The following PDGFRA variants were observed in gnomAD, a reference collection of about 807,000 sequenced individuals.
The protein encoded by PDGFRA is platelet-derived growth factor receptor alpha.
PDGFRA carries 25 observed loss-of-function variants against 121.5 expected under a neutral mutation model. That is an observed-to-expected ratio of 0.21 (90% confidence interval 0.15 to 0.29). The LOEUF is 0.29. PDGFRA is among the 10% of genes least tolerant of loss of function. The pLI, the probability that PDGFRA is intolerant of heterozygous loss-of-function variation, is 1.00. For missense variants in PDGFRA, 1,008 were observed against 1,345.1 expected (o/e 0.75, Z 3.92); for synonymous variants, 463 against 494.8 (o/e 0.94, Z 0.85).
At chr4:54,272,619 G>T in intron 9 of PDGFRA, 99 bp downstream of exon 9, 1 of 1,372,406 alleles carries the variant, frequency 7.3e-7, no homozygotes, top group South Asian at 1.2e-5. Context: ...TATAAGATAG[G>T]GTTTTGGGTG....
intron 1 of PDGFRA, chr4:54,239,891 C>T (rs981595958): frequency 5.2e-5 from 8 of 152,646 alleles, no homozygotes; most frequent in African/African-American, 1.9e-4. Flanking sequence ...CGCTGTGTTG[C>T]CCAGGCTGGA....
intron 1 of PDGFRA, among the ~76,000 whole-genome samples, chr4:54,249,569 G>T (rs1051501774): frequency 6.6e-6 from 1 of 151,430 alleles, no homozygotes; most frequent in Non-Finnish European, 1.5e-5. Flanking sequence ...TCACTCATAG[G>T]TGGGAATTGA....
chr4:54,295,322 C>T lies in PDGFRA; in HGVS notation c.*50C>T, dbSNP rs545687683. Reference sequence around the variant, plus strand: ...CACTTCTGGGGCCACCTCTGGATCCCGTTCAGAAAACCACTTTATTGCAAT... The same window carrying T: ...CACTTCTGGGGCCACCTCTGGATCCTGTTCAGAAAACCACTTTATTGCAAT... On this transcript the variant is annotated 3_prime_UTR_variant, in exon 23 of 23. Transcript: ENST00000257290. 145 of 1,597,994 alleles carry T rather than the reference C, an allele frequency of 9.1e-5. No homozygotes were observed. The highest frequency in any genetic ancestry group is 2.7e-4 in the Admixed American group (16 of 59,944).
At chr4:54,260,298 C>T (rs1393710960) in intron 2 of PDGFRA, among the ~76,000 whole-genome samples, 4 of 151,918 alleles carry the variant, frequency 2.6e-5, no homozygotes, top group South Asian at 2.1e-4. Flanking sequence ...ACGGCATGCC[C>T]GAGGGCTATA....
intron 18 of PDGFRA, among the ~76,000 whole-genome samples, 167 bp downstream of exon 18, chr4:54,286,130 C>A (rs1293260933): frequency 6.6e-6 from 1 of 152,098 alleles, no homozygotes; most frequent in Non-Finnish European, 1.5e-5. Context: ...AGTGCCAGCT[C>A]CACCACTTAC....
chr4:54,229,914 G>T (rs577764000), intron 1 of PDGFRA: 2 of 150,994 alleles, frequency 1.3e-5, no homozygotes, highest in Non-Finnish European at 2.9e-5. Flanking sequence ...CCATGGTGTG[G>T]AGCGCGGCTG....
chr4:54,296,401 G>A lies in PDGFRA; in HGVS notation c.*1129G>A, dbSNP rs1553907322. 4.1e-5 allele frequency: 8 copies of A among 194,442 alleles called. No homozygotes were observed. The South Asian group carries it at 1.7e-3, about 41-fold the overall frequency. The allele number at this position is 194,442 out of a possible 1,614,324, so 12.0% of individuals were successfully genotyped here. ...TTTTTTTTCTTCATGCCTGATGAAA[G>A]CTTTGGCGACCCCAATATATGTATT... On this transcript the variant is annotated 3_prime_UTR_variant, in exon 23 of 23. Transcript: ENST00000257290.
intron 9 of PDGFRA, among the ~76,000 whole-genome samples, chr4:54,272,784 T>C (rs1288345820): frequency 3.9e-5 from 6 of 152,170 alleles, no homozygotes; most frequent in Admixed American, 6.5e-5. Context: ...GGCTCACATA[T>C]CTTATTTGGT....
intron 7 of PDGFRA, among the ~76,000 whole-genome samples, chr4:54,267,971 C>T (rs1400241754): frequency 6.6e-6 from 1 of 152,058 alleles, no homozygotes; most frequent in African/African-American, 2.4e-5. Flanking sequence ...AGCTCTGGCC[C>T]CTGGGGAAAG....
In PDGFRA at chr4:54,267,406, C is replaced by T. The variant is rs762106764; in HGVS notation, c.877C>T (p.Arg293Cys). The T allele has an allele frequency of 2.2e-5, 36 of 1,614,042 alleles. No individual in the cohort carries two copies. Among genetic ancestry groups the T allele is most frequent in the Admixed American group, 3.3e-5 (2 of 59,988 alleles). ...CAGTGGAGATTACGAATGTGCTGCC[C>T]GCCAGGCTACCAGGGAGGTCAAAGA... Reference protein sequence around the residue: ...KDSGDYECAARQATREVKEMK... With the variant: ...KDSGDYECAACQATREVKEMK... The change falls in exon 6 of 23, where the codon CGC becomes TGC. Residue 293 changes from arginine (R) to cysteine (C), a missense_variant. Transcript: ENST00000257290.
chr4:54,264,198 T>TA, intron 4 of PDGFRA: 2 of 529,758 alleles, frequency 3.8e-6, no homozygotes, highest in South Asian at 6.0e-5. Context: ...ATAAGCCTCT[T>TA]ACTTTCATTC....
chr4:54,247,172 C>T (rs867287721), intron 1 of PDGFRA, among the ~76,000 whole-genome samples: 3 of 152,168 alleles, frequency 2.0e-5, no homozygotes, highest in Non-Finnish European at 2.9e-5. Context: ...CCTTCTGAAA[C>T]TATTCCAATC....
chr4:54,243,359 C>T (rs1275572936), intron 1 of PDGFRA, among the ~76,000 whole-genome samples: 2 of 152,066 alleles, frequency 1.3e-5, no homozygotes, highest in Non-Finnish European at 2.9e-5. Context: ...AAAGTTTTAC[C>T]TACAAGATAT....
chr4:54,254,662 C>G (rs975553878), intron 1 of PDGFRA, among the ~76,000 whole-genome samples: 2 of 152,186 alleles, frequency 1.3e-5, no homozygotes, highest in Non-Finnish European at 2.9e-5. Context: ...CTCTGGAGGT[C>G]TCCTTTGAAG....
chr4:54,281,918 T>C, intron 16 of PDGFRA: 1 of 1,155,442 alleles, frequency 8.7e-7, no homozygotes, highest in Middle Eastern at 3.6e-4. Context: ...TATTAACAAA[T>C]TATAAGCAAA....
chr4:54,287,506 CT>C lies in PDGFRA; in HGVS notation c.2641del (p.Tyr881MetfsTer19). On this transcript the variant is annotated frameshift_variant, in exon 19 of 23. Transcript: ENST00000257290. LOFTEE classifies it high-confidence loss of function. ...NLYTTLSDVW[S>X]YGILLWEIFS... ...TACACCACACTGAGTGATGTCTGGT[CT>C]TATGGCATTCTGCTCTGGGAGATCT... The C allele has an allele frequency of 6.5e-7, 1 of 1,534,940 alleles. No homozygotes were observed. The highest frequency in any genetic ancestry group is 9.0e-7 in the Non-Finnish European group (1 of 1,107,952).
intron 5 of PDGFRA, chr4:54,265,397 A>G (rs929304548): frequency 9.3e-6 from 3 of 323,216 alleles, no homozygotes; most frequent in Non-Finnish European, 1.8e-5. Flanking sequence ...TTGCGGAGAC[A>G]GTGATTGATT....
chr4:54,274,733 G>A (rs1723617351), intron 11 of PDGFRA, 108 bp downstream of exon 11: 1 of 1,458,182 alleles, frequency 6.9e-7, no homozygotes, highest in Non-Finnish European at 9.6e-7. Context: ...TACATGTGGA[G>A]TGAACGTTGT....
intron 1 of PDGFRA, among the ~76,000 whole-genome samples, chr4:54,249,937 G>A (rs1577690174): frequency 6.6e-6 from 1 of 152,020 alleles, no homozygotes; most frequent in East Asian, 1.9e-4. Flanking sequence ...GGTTTAAAAG[G>A]TTTATGAGAA....
Sources: allele counts gnomAD v4.1 joint callset (sites outside exome capture counted in the v4.1 genomes callset), GRCh38; gene constraint gnomAD v4.1.1; transcripts MANE v1.5; gene names NCBI Gene and HGNC (gene_info 2026-07-23, HGNC 2026-07-21).